The following PRR5 variants were observed in gnomAD, a reference collection of about 807,000 sequenced individuals.
PRR5 encodes the protein proline rich 5, also known as proline-rich protein 5.
In PRR5, 25 loss-of-function variants were observed where a neutral mutation model predicts 30.6. The observed-to-expected ratio is 0.82, with a 90% CI of 0.60 to 1.14. The LOEUF is 1.14. Among genes scored for constraint, PRR5 ranks in the 50% most tolerant of loss-of-function variants. The pLI is 0.00. For missense variants in PRR5, 600 were observed against 547.1 expected (o/e 1.10, Z -0.96); for synonymous variants, 286 against 247.1 (o/e 1.16, Z -1.48).
intron 1 of PRR5, among the ~76,000 whole-genome samples, chr22:44,688,338 C>T (rs913010223): frequency 2.0e-5 from 3 of 151,994 alleles, no homozygotes; most frequent in Non-Finnish European, 2.9e-5. Flanking sequence ...GAGCTGTGAT[C>T]GCACCACTGC....
At chr22:44,719,246 A>AT (rs5845665) in intron 2 of PRR5, among the ~76,000 whole-genome samples, 9 of 150,812 alleles carry the variant, frequency 6.0e-5, no homozygotes, top group East Asian at 2.0e-4. Context: ...AGCCTAGCTA[A>AT]TTTTTTTTTT....
upstream of PRR5, among the ~76,000 whole-genome samples, chr22:44,675,762 G>GTTATTA (rs150864660): frequency 0.46 from 65,790 of 142,556 alleles, 15,611 homozygotes; most frequent in East Asian, 0.69. Flanking sequence ...TGTTGCTGTT[G>GTTATTA]TTATTATTAT....
intron 3 of PRR5, 28 bp from the exon 4 acceptor site, chr22:44,726,549 G>T: frequency 6.2e-7 from 1 of 1,613,906 alleles, no homozygotes; most frequent in South Asian, 1.1e-5. Flanking sequence ...CACAAGGGCG[G>T]TGACAGCCCC....
Position 44,726,618 on chromosome 22 carries a change from G to T in PRR5, c.306G>T (p.Lys102Asn), listed in dbSNP as rs1920956651. ...AAGGCATGGTGATCCTTCGGGACAA[G>T]ATTCGCTTCTATGAGGGTGAGTGTG... ...LTKGMVILRD[K>N]IRFYEGQKLL... The change falls in exon 4 of 8, where the codon AAG (lysine) becomes AAT (asparagine). Residue 102 changes from lysine (K) to asparagine (N), a missense_variant. Transcript: ENST00000336985. 6.2e-7 allele frequency: 1 copy of T among 1,614,150 alleles called. No individual in the cohort carries two copies. Among genetic ancestry groups the T allele is most frequent in the South Asian group, 1.1e-5 (1 of 91,086 alleles).
chr22:44,692,537 G>A (rs561206551), intron 1 of PRR5, among the ~76,000 whole-genome samples: 6 of 117,162 alleles, frequency 5.1e-5, no homozygotes, highest in East Asian at 2.8e-4. Context: ...TCCTCCTCCC[G>A]GGGGCTCCTC....
chr22:44,717,357 A>G (rs1283233926), intron 2 of PRR5, among the ~76,000 whole-genome samples: 1 of 151,536 alleles, frequency 6.6e-6, no homozygotes, highest in South Asian at 2.1e-4. Context: ...ACGCCTGGCT[A>G]ATTTTTATAT....
In PRR5 at chr22:44,694,354, A is replaced by G. The variant is rs186991981; in HGVS notation, c.-10-8138A>G. 8.6e-3 allele frequency among the ~76,000 whole-genome samples: 1,309 copies of G among 152,278 alleles called. 18 individuals are homozygous for G. Among genetic ancestry groups the G allele is most frequent in the African/African-American group, 0.03 (1,238 of 41,548 alleles). On this transcript the variant is annotated intron_variant, in intron 1 of 8. Coordinates refer to the PRR5 transcript ENST00000006251. ...GAAGTTCGAGACCAGCCTGGCCAAC[A>G]TGGTGAAACCCCATCTCTACTAAAA...
chr22:44,689,574 G>A (rs541465321), intron 1 of PRR5, among the ~76,000 whole-genome samples: 9 of 152,338 alleles, frequency 5.9e-5, no homozygotes, highest in South Asian at 2.1e-4. Flanking sequence ...ATTGGATTGC[G>A]CACCATGGAA....
chr22:44,732,852 G>A (rs1270328222), intron 6 of PRR5, among the ~76,000 whole-genome samples: 3 of 121,208 alleles, frequency 2.5e-5, no homozygotes, highest in African/African-American at 7.1e-5. Context: ...GTGCACACAC[G>A]TGCACACGCA....
chr22:44,737,336 T>TGCGTC lies in PRR5; in HGVS notation c.*90_*94dup, dbSNP rs1923470537. 1 of 1,490,554 alleles carries TGCGTC rather than the reference T, an allele frequency of 6.7e-7. No individual in the cohort carries two copies. Among genetic ancestry groups the TGCGTC allele is most frequent in the African/African-American group, 1.4e-5 (1 of 71,714 alleles). The allele number at this position is 1,490,554 out of a possible 1,614,324, so 92.3% of individuals were successfully genotyped here. On this transcript the variant is annotated 3_prime_UTR_variant, in exon 8 of 8. Coordinates refer to ENST00000336985, the MANE Select transcript of PRR5 (RefSeq NM_181333.4). Reference sequence around the variant, plus strand: ...GTGTGTGTGAGTGAGACTTTTTTACTGCGTCCCGTCCCGCCAGCCCTATCG... The same window carrying TGCGTC: ...GTGTGTGTGAGTGAGACTTTTTTACTGCGTCGCGTCCCGTCCCGCCAGCCCTATCG...
Position 44,737,191 on chromosome 22 carries a change from C to G in PRR5, c.1111C>G (p.Arg371Gly), listed in dbSNP as rs773652464. ...GATTTTCATTGACTTTGGCCGGGGCCGGGGCTCTGGCATGTCCGACTTGGA... is the reference window on the plus strand; with the variant it reads ...GATTTTCATTGACTTTGGCCGGGGCGGGGGCTCTGGCATGTCCGACTTGGA... Reference protein sequence around the residue: ...EGIFIDFGRGRGSGMSDLEGS... With the variant: ...EGIFIDFGRGGGSGMSDLEGS... Residue 371 changes from arginine to glycine, a missense_variant, in exon 8 of 8, where the codon CGG becomes GGG. Transcript: ENST00000336985. 6 of 1,612,278 alleles carry G rather than the reference C, an allele frequency of 3.7e-6. No individual in the cohort carries two copies. Among genetic ancestry groups the G allele is most frequent in the East Asian group, 2.2e-5 (1 of 44,862 alleles).
chr22:44,703,219 C>T (rs556973849), intron 1 of PRR5, among the ~76,000 whole-genome samples: 1 of 152,274 alleles, frequency 6.6e-6, no homozygotes, highest in South Asian at 2.1e-4. Context: ...AGTCCGGGAT[C>T]TGGAAAAGAG....
chr22:44,702,745 C>T (rs199965695), intron 1 of PRR5, 137 bp downstream of exon 1: 1 of 1,191,222 alleles, frequency 8.4e-7, no homozygotes, highest in Admixed American at 4.3e-5. Context: ...TTGCAAAGAA[C>T]TTGCCCCGCC....
At chr22:44,671,646 G>A (rs1204120379) in intron 1 of PRR5, among the ~76,000 whole-genome samples, 4 of 152,132 alleles carry the variant, frequency 2.6e-5, no homozygotes, top group Admixed American at 2.6e-4. Context: ...AATTGCCTAA[G>A]CTCCCTGAGC....
At chr22:44,732,549 A>G (rs1022033092) in intron 6 of PRR5, among the ~76,000 whole-genome samples, 158 bp downstream of exon 6, 5 of 152,190 alleles carry the variant, frequency 3.3e-5, no homozygotes, top group African/African-American at 1.2e-4. Flanking sequence ...ACCGGGGAGC[A>G]GCTGGTCAGA....
chr22:44,684,064 G>A (rs562284598), intron 1 of PRR5, among the ~76,000 whole-genome samples: 13 of 152,290 alleles, frequency 8.5e-5, no homozygotes, highest in Non-Finnish European at 1.9e-4. Context: ...TTCCAGAATT[G>A]ATTGAGGGTC....
rs554393671 is a variant in PRR5 at position 44,688,849 on chromosome 22, A to G, written c.-11+11609A>G. ...CTAAAAATACAAAAATTAGCCGGGCATGGTGGTGCACGCCTGTGATCCCAG... is the reference window on the plus strand; with the variant it reads ...CTAAAAATACAAAAATTAGCCGGGCGTGGTGGTGCACGCCTGTGATCCCAG... On this transcript the variant is annotated intron_variant, in intron 1 of 8. Coordinates refer to the PRR5 transcript ENST00000006251. Among the ~76,000 whole-genome samples, 207 of 151,962 alleles carry G rather than the reference A, an allele frequency of 1.4e-3. 1 individual carries two copies. The highest frequency in any genetic ancestry group is 6.8e-3 in the Middle Eastern group (2 of 294).
In PRR5 at chr22:44,736,974, G is replaced by T. The variant is rs201222885; in HGVS notation, c.894G>T (p.Pro298=). The T allele has an allele frequency of 3.7e-6, 6 of 1,600,734 alleles. No individual in the cohort carries two copies. In the South Asian group the frequency reaches 5.5e-5, roughly 15 times the overall value. The part of the protein sequence containing the change: ...SCPEPQGFSD[P]PGQGPTGTFR... ...CCGAGCCTCAGGGCTTCTCCGACCC[G>T]CCCGGCCAGGGCCCCACCGGGACCT... Residue 298 remains proline, a synonymous_variant, in exon 8 of 8, where the codon CCG becomes CCT. Transcript: ENST00000336985.
At chr22:44,710,298 C>T (rs1360616389) in intron 1 of PRR5, among the ~76,000 whole-genome samples, 7 of 151,904 alleles carry the variant, frequency 4.6e-5, no homozygotes, top group African/African-American at 1.7e-4. Flanking sequence ...CCCCCCCCAG[C>T]GCTCAGGAGG....
Sources: allele counts gnomAD v4.1 joint callset (sites outside exome capture counted in the v4.1 genomes callset), GRCh38; gene constraint gnomAD v4.1.1; transcripts MANE v1.5; gene names NCBI Gene and HGNC (gene_info 2026-07-23, HGNC 2026-07-21).